TASOR: variants seen among roughly 807,000 people sequenced by gnomAD.
TASOR encodes protein TASOR.
In TASOR, 53 loss-of-function variants were observed where a neutral mutation model predicts 178.6. That is an observed-to-expected ratio of 0.30 (90% CI 0.24 to 0.37). TASOR has a LOEUF of 0.37. Ranked by LOEUF, TASOR falls within the 10% of genes least tolerant of loss-of-function variation. The pLI, the probability that TASOR is intolerant of heterozygous loss-of-function variation, is 1.00. For synonymous variants in TASOR, 713 were observed against 696.2 expected (o/e 1.02, Z -0.38); for missense variants, 1,815 against 1,971.4 (o/e 0.92, Z 1.50).
In TASOR at chr3:56,631,075, G is replaced by A. The variant is rs900794922; in HGVS notation, c.3747+1969C>T. On this transcript the variant is annotated intron_variant, in intron 18 of 23. Transcript: ENST00000683822. The stretch of plus-strand genomic sequence containing the variant: ...CTAGGGAACTTGTTGCTGGCTGGTG[G>A]GGAAAAGTTGAGAAACTCTACATTC... 4.6e-5 allele frequency among the ~76,000 whole-genome samples: 7 copies of A among 152,090 alleles called. 1 individual carries two copies. Among genetic ancestry groups the A allele is most frequent in the South Asian group, 2.1e-4 (1 of 4,800 alleles).
rs1445471779 is a variant in TASOR at position 56,647,121 on chromosome 3, C to A, written c.1616G>T (p.Arg539Leu). The change falls in exon 14 of 24, where the codon CGA (arginine) becomes CTA (leucine). Residue 539 changes from arginine (R) to leucine (L), a missense_variant. Arg to Leu is a moderately radical substitution (Grantham distance 102). Transcript: ENST00000683822. ...GGCGCTTATATTTTTGAATTCCTTT[C>A]GACACTGAATCAAAGAAAATTGTAA... ...QFLQFSLIQC[R>L]KEFKNISAIN... The A allele has an allele frequency of 6.2e-7, 1 of 1,607,316 alleles. No homozygotes were observed.
chr3:56,662,465 T>A lies in TASOR; in HGVS notation c.1080A>T (p.Lys360Asn). 6.5e-7 allele frequency: 1 copy of A among 1,530,628 alleles called. No individual in the cohort carries two copies. Among genetic ancestry groups the A allele is most frequent in the Non-Finnish European group, 8.8e-7 (1 of 1,130,144 alleles). 94.8% of individuals were successfully genotyped at this position (1,530,628 alleles called of 1,614,324 possible). The part of the protein sequence containing the change: ...NIDKYNYTLW[K>N]GQLLNKGKLL... ...GTTTTCCTTTATTTAAAAGCTGTCCTTTCCACAAGGTATAGTTATATTTAT... is the reference window on the plus strand; with the variant it reads ...GTTTTCCTTTATTTAAAAGCTGTCCATTCCACAAGGTATAGTTATATTTAT... The change falls in exon 9 of 24, where the codon AAA (lysine) becomes AAT (asparagine). Residue 360 changes from lysine (K) to asparagine (N), a missense_variant. Around this residue, in one of 5 missense-constraint regions of TASOR, gnomAD observed 504 missense variants for 645.3 expected, o/e 0.78. Transcript: ENST00000683822.
intron 7 of TASOR, among the ~76,000 whole-genome samples, chr3:56,665,885 C>T (rs776529558): frequency 1.3e-5 from 2 of 152,028 alleles, no homozygotes; most frequent in South Asian, 2.1e-4. Flanking sequence ...GGCAGAATGG[C>T]GTGAACCCGG....
intron 17 of TASOR, among the ~76,000 whole-genome samples, chr3:56,636,345 T>C (rs976838185): frequency 3.3e-5 from 5 of 152,076 alleles, no homozygotes; most frequent in African/African-American, 9.7e-5. Context: ...CTATAAGTGA[T>C]TGAAAACACA....
chr3:56,679,328 G>C (rs1329375723), intron 1 of TASOR, among the ~76,000 whole-genome samples: 2 of 152,222 alleles, frequency 1.3e-5, no homozygotes, highest in Non-Finnish European at 2.9e-5. Context: ...AATTAGAAAT[G>C]AATATGCTGG....
chr3:56,671,730 T>G (rs755182142), intron 2 of TASOR, 38 bp from the exon 3 acceptor site: 1 of 1,419,190 alleles, frequency 7.0e-7, no homozygotes, highest in Non-Finnish European at 9.6e-7. Context: ...ACTTAGCATG[T>G]GATTATGTTT....
chr3:56,624,493 A>G lies in TASOR; in HGVS notation c.4469T>C (p.Leu1490Pro), dbSNP rs945424563. The G allele has an allele frequency of 6.2e-7, 1 of 1,612,582 alleles. No individual in the cohort carries two copies. The highest frequency in any genetic ancestry group is 8.5e-7 in the Non-Finnish European group (1 of 1,179,570). ...TGAAAAGTTACCTGACTGCGACTCA[A>G]GATTCTCATTAGCACCAAGCTGTGG... The part of the protein sequence containing the change: ...NLPQLGANEN[L>P]ESQSALLEND... The change falls in exon 23 of 24, where the codon CTT becomes CCT. Residue 1490 changes from leucine (L) to proline (P), a missense_variant. This residue lies in a region of TASOR where 278 missense variants were observed against 257.1 expected (regional missense o/e 1.08). Coordinates refer to ENST00000683822, the MANE Select transcript of TASOR (RefSeq NM_001365635.2).
chr3:56,675,913 CT>C (rs1300071225), intron 1 of TASOR, among the ~76,000 whole-genome samples: 3 of 152,186 alleles, frequency 2.0e-5, no homozygotes, highest in Non-Finnish European at 2.9e-5. Context: ...ACATAAGTGT[CT>C]GTAAAAACGT....
rs2077127528 is a variant in TASOR, at chr3:56,641,655, C to G, written c.2313G>C (p.Leu771=). ...CNSGIADIHR[L]FNWLSETLAN... ...CTAGTGTTTCTGATAACCAATTAAA[C>G]AGCCTATGGATGTCAGCAATGCCGG... Residue 771 remains leucine (L), a synonymous_variant, in exon 15 of 24, where the codon CTG becomes CTC. Coordinates refer to ENST00000683822, the MANE Select transcript of TASOR (RefSeq NM_001365635.2). The G allele has an allele frequency of 6.2e-7, 1 of 1,614,070 alleles. No homozygotes were observed. The highest frequency in any genetic ancestry group is 8.5e-7 in the Non-Finnish European group (1 of 1,180,054).
At chr3:56,628,776 T>A in intron 18 of TASOR, 162 bp from the exon 19 acceptor site, 2 of 492,902 alleles carry the variant, frequency 4.1e-6, no homozygotes, top group East Asian at 3.8e-5. Flanking sequence ...TTTTTTTTTT[T>A]CTTTGAGACA....
At position 56,683,131 on chromosome 3, in the gene TASOR, C is replaced by A; in HGVS notation, c.-125G>T. On this transcript the variant is annotated 5_prime_UTR_variant, in exon 1 of 24. Coordinates refer to ENST00000683822, the MANE Select transcript of TASOR (RefSeq NM_001365635.2). Reference sequence around the variant, plus strand: ...CCCACCCACCCCCTTCCCCCCGTGGCCTCAGGCTGCGCTCCCGACCTGGCA... The same window carrying A: ...CCCACCCACCCCCTTCCCCCCGTGGACTCAGGCTGCGCTCCCGACCTGGCA... 1 of 1,139,850 alleles carries A rather than the reference C, an allele frequency of 8.8e-7. No individual in the cohort carries two copies. The highest frequency in any genetic ancestry group is 1.2e-6 in the Non-Finnish European group (1 of 832,806). The allele number at this position is 1,139,850 out of a possible 1,614,324, so 70.6% of individuals were successfully genotyped here. A position where few individuals can be genotyped will look rare whatever the true frequency, so the allele number is the denominator to read the frequency against.
chr3:56,655,651 G>T (rs1020548781), intron 11 of TASOR, among the ~76,000 whole-genome samples: 1 of 152,052 alleles, frequency 6.6e-6, no homozygotes, highest in African/African-American at 2.4e-5. Flanking sequence ...GCTGGGCATG[G>T]TGGTATACAC....
chr3:56,651,130 A>G (rs1327652800), intron 11 of TASOR, among the ~76,000 whole-genome samples: 1 of 152,136 alleles, frequency 6.6e-6, no homozygotes, highest in Non-Finnish European at 1.5e-5. Flanking sequence ...CTATGATCAG[A>G]AACAACACTA....
intron 21 of TASOR, among the ~76,000 whole-genome samples, chr3:56,625,697 T>C (rs1011701218): frequency 9.2e-5 from 14 of 152,180 alleles, no homozygotes; most frequent in African/African-American, 3.4e-4. Flanking sequence ...TTTCTTTTTT[T>C]TTTTTGAGAC....
intron 6 of TASOR, among the ~76,000 whole-genome samples, chr3:56,667,813 T>C (rs1250425632): frequency 6.6e-6 from 1 of 152,206 alleles, no homozygotes; most frequent in African/African-American, 2.4e-5. Flanking sequence ...CATTGCTTTA[T>C]AGTCAAACCT....
chr3:56,676,981 C>T lies in TASOR; in HGVS notation c.332-3256G>A, dbSNP rs151192398. Among the ~76,000 whole-genome samples the T allele has an allele frequency of 9.4e-3, 1,438 of 152,218 alleles. 30 individuals carry two copies. Among genetic ancestry groups the T allele is most frequent in the African/African-American group, 0.032 (1,325 of 41,532 alleles). On this transcript the variant is annotated intron_variant, in intron 1 of 23. Transcript: ENST00000683822. ...AAATGCCTCAGTGGCTTCGTTAGGC[C>T]GGTTATAATTTCTCATTTTTTCTGG... is the stretch of plus-strand genomic sequence containing the variant.
Position 56,669,795 on chromosome 3 carries a change from G to GA in TASOR, c.644-5dup. 1 of 1,520,018 alleles carries GA rather than the reference G, an allele frequency of 6.6e-7. No homozygotes were observed. The highest frequency in any genetic ancestry group is 8.8e-7 in the Non-Finnish European group (1 of 1,132,502). The allele number at this position is 1,520,018 out of a possible 1,614,324, so 94.2% of individuals were successfully genotyped here. A position where few individuals can be genotyped will look rare whatever the true frequency, so the allele number is the denominator to read the frequency against. ...GCATACCTAGAAAGATAGACACCTA[G>GA]AAAAGACGGAAAAATTAAGGAAACT... is the stretch of plus-strand genomic sequence containing the variant. On this transcript the variant is annotated splice_polypyrimidine_tract_variant and splice_region_variant and intron_variant, in intron 4 of 23. Transcript: ENST00000683822.
At position 56,628,909 on chromosome 3, in the gene TASOR, C is replaced by T. The variant is rs192018204; in HGVS notation, c.3748-295G>A. The T allele has an allele frequency of 2.5e-4, 48 of 191,822 alleles. No individual in the cohort carries two copies. The East Asian group carries it at 5.7e-3, about 23-fold the overall frequency. 11.9% of individuals were successfully genotyped at this position (191,822 alleles called of 1,614,324 possible). ...CTGAATACATGGATGGCACTAGGCT[C>T]GCACCACCATACCAGGCTAATTTTT... On this transcript the variant is annotated intron_variant, in intron 18 of 23. Coordinates refer to ENST00000683822, the MANE Select transcript of TASOR (RefSeq NM_001365635.2).
intron 11 of TASOR, among the ~76,000 whole-genome samples, chr3:56,655,552 A>C (rs1263527868): frequency 6.6e-5 from 10 of 152,142 alleles, no homozygotes; most frequent in Non-Finnish European, 1.0e-4. Context: ...GGGTTGCTTA[A>C]GGCCAGGAGT....
Sources: allele counts gnomAD v4.1 joint callset (sites outside exome capture counted in the v4.1 genomes callset), GRCh38; gene constraint gnomAD v4.1.1; regional missense constraint gnomAD v4.1.1; transcripts MANE v1.5; gene names NCBI Gene and HGNC (gene_info 2026-07-23, HGNC 2026-07-21).